PAG1: variants seen among roughly 807,000 people sequenced by gnomAD.
PAG1 encodes the protein phosphoprotein membrane anchor with glycosphingolipid microdomains 1.
A neutral mutation model predicts 31.7 loss-of-function variants in PAG1; 23 were observed. The ratio of observed to expected loss-of-function variants is 0.73; its 90% CI spans 0.52 to 1.03. The LOEUF (loss-of-function observed/expected upper bound fraction) is 1.03. PAG1 is among the 50% of genes least tolerant of loss of function. The pLI is 0.00. For synonymous variants in PAG1, 214 were observed against 210.3 expected, an observed-to-expected ratio of 1.02 and a Z score of -0.15; for missense variants, 473 against 540.7, an observed-to-expected ratio of 0.87 and a Z score of 1.24.
At chr8:81,056,320 T>C (rs1402808203) in intron 2 of PAG1, among the ~76,000 whole-genome samples, 1 of 152,132 alleles carries the variant, frequency 6.6e-6, no homozygotes, top group African/African-American at 2.4e-5. Flanking sequence ...CTTCAAACTA[T>C]ACTACGAGGC....
intron 2 of PAG1, among the ~76,000 whole-genome samples, chr8:81,063,347 G>A (rs184507071): frequency 5.1e-4 from 78 of 152,208 alleles, no homozygotes; most frequent in Non-Finnish European, 9.3e-4. Context: ...AATATGGAAG[G>A]CAGCCACAGC....
At position 80,991,671 on chromosome 8, in the gene PAG1, A is replaced by T. The variant is rs200132333; in HGVS notation, c.126-141T>A. 2.0e-4 allele frequency: 141 copies of T among 705,630 alleles called. No homozygotes were observed. In the East Asian group the frequency reaches 3.5e-3, roughly 18 times the overall value. The allele number at this position is 705,630 out of a possible 1,614,324, so 43.7% of individuals were successfully genotyped here. On this transcript the variant is annotated intron_variant, in intron 4 of 8. Transcript: ENST00000220597. Reference sequence around the variant, plus strand: ...TGTTTATTTTGTCAACAAAGACAAAATCAGACAGTGATTTGATGGCCCGTT... The same window carrying T: ...TGTTTATTTTGTCAACAAAGACAAATTCAGACAGTGATTTGATGGCCCGTT...
At chr8:81,017,679 A>G (rs570576586) in intron 3 of PAG1, among the ~76,000 whole-genome samples, 7 of 152,228 alleles carry the variant, frequency 4.6e-5, no homozygotes, top group Non-Finnish European at 8.8e-5. Flanking sequence ...AAAGAGCAGG[A>G]GCATTCCACT....
chr8:80,996,675 G>A (rs977530043), intron 3 of PAG1, among the ~76,000 whole-genome samples: 2 of 152,164 alleles, frequency 1.3e-5, no homozygotes, highest in African/African-American at 4.8e-5. Flanking sequence ...CCTTCTTGGA[G>A]CAGCTGAGGG....
Position 81,036,946 on chromosome 8 carries a change from T to C in PAG1, c.-174-6857A>G, listed in dbSNP as rs1392762625. The C allele has an allele frequency of 2.0e-5, 3 of 152,258 alleles. No homozygotes were observed. In the East Asian group the frequency reaches 5.8e-4, roughly 29 times the overall value. The allele number at this position is 152,258 out of a possible 1,614,324, so 9.4% of individuals were successfully genotyped here. On this transcript the variant is annotated intron_variant, in intron 2 of 8. Transcript: ENST00000220597. ...AGCAGTCCATTAAAAGAGGGTTTTCTGGGTTTTATTTTTTTTTCGTTGAGT... is the reference window on the plus strand; with the variant it reads ...AGCAGTCCATTAAAAGAGGGTTTTCCGGGTTTTATTTTTTTTTCGTTGAGT...
intron 3 of PAG1, among the ~76,000 whole-genome samples, chr8:81,017,930 A>G (rs566649019): frequency 6.6e-6 from 1 of 152,342 alleles, no homozygotes; most frequent in South Asian, 2.1e-4. Context: ...CTAGTCAAAT[A>G]ATTATGATCA....
At chr8:81,024,400 G>GC in intron 3 of PAG1, among the ~76,000 whole-genome samples, 1 of 152,274 alleles carries the variant, frequency 6.6e-6, no homozygotes, top group East Asian at 1.9e-4. Context: ...CTGGCACACG[G>GC]CCCCTCCAGG....
chr8:80,993,589 T>C (rs1807605091), intron 3 of PAG1, among the ~76,000 whole-genome samples: 1 of 145,272 alleles, frequency 6.9e-6, no homozygotes, highest in African/African-American at 2.7e-5. Flanking sequence ...GGGGGTGGAT[T>C]CTTCTTGTTC....
At chr8:80,979,424 G>A (rs749327701) in intron 8 of PAG1, among the ~76,000 whole-genome samples, 11 of 152,180 alleles carry the variant, frequency 7.2e-5, no homozygotes, top group Non-Finnish European at 1.6e-4. Context: ...TGCAACTGAT[G>A]GGTCTTGGCA....
chr8:81,044,681 C>A (rs1231959745), intron 2 of PAG1, among the ~76,000 whole-genome samples: 2 of 152,138 alleles, frequency 1.3e-5, no homozygotes. Flanking sequence ...TCACATAGCC[C>A]CTTTCACACA....
At chr8:81,017,893 A>G (rs2130714990) in intron 3 of PAG1, among the ~76,000 whole-genome samples, 2 of 152,302 alleles carry the variant, frequency 1.3e-5, no homozygotes, top group South Asian at 4.1e-4. Flanking sequence ...GACAGCCACT[A>G]CTCAACCTTT....
chr8:81,038,425 C>G (rs1808498203), intron 2 of PAG1, among the ~76,000 whole-genome samples: 1 of 152,196 alleles, frequency 6.6e-6, no homozygotes, highest in African/African-American at 2.4e-5. Flanking sequence ...GGCAATGGCT[C>G]TGCCTGTGGG....
chr8:80,998,675 G>T (rs957378793), intron 3 of PAG1, among the ~76,000 whole-genome samples: 4 of 152,034 alleles, frequency 2.6e-5, no homozygotes, highest in African/African-American at 9.7e-5. Flanking sequence ...ATCCTTAACA[G>T]GTAGGTTCTC....
intron 4 of PAG1, among the ~76,000 whole-genome samples, chr8:80,992,897 G>T (rs1293226559): frequency 6.6e-6 from 1 of 152,170 alleles, no homozygotes; most frequent in East Asian, 1.9e-4. Flanking sequence ...TTGCTCCCTA[G>T]CAAAACCAAA....
chr8:80,995,313 C>T (rs1352430391), intron 3 of PAG1, among the ~76,000 whole-genome samples: 2 of 152,158 alleles, frequency 1.3e-5, no homozygotes, highest in East Asian at 3.8e-4. Flanking sequence ...TTCTTTCTTC[C>T]TATGTTTGAT....
At chr8:81,007,621 A>G (rs1342482642) in intron 3 of PAG1, among the ~76,000 whole-genome samples, 1 of 141,614 alleles carries the variant, frequency 7.1e-6, no homozygotes, top group Non-Finnish European at 1.5e-5. Context: ...TGGGTGACAG[A>G]GCAAGACTCT....
At chr8:81,036,320 C>T (rs1808461773) in intron 2 of PAG1, among the ~76,000 whole-genome samples, 1 of 152,066 alleles carries the variant, frequency 6.6e-6, no homozygotes, top group African/African-American at 2.4e-5. Flanking sequence ...AGTTATTAAC[C>T]CAGCTAATTA....
intron 3 of PAG1, among the ~76,000 whole-genome samples, chr8:81,028,488 A>G (rs1339341128): frequency 1.3e-5 from 2 of 152,362 alleles, no homozygotes; most frequent in Middle Eastern, 3.4e-3. Context: ...TGTGTTCATC[A>G]AGTATTTCTA....
intron 2 of PAG1, among the ~76,000 whole-genome samples, chr8:81,045,195 T>C (rs1808621215): frequency 6.6e-6 from 1 of 152,174 alleles, no homozygotes; most frequent in Non-Finnish European, 1.5e-5. Context: ...ACATGTCTCA[T>C]GTAATGAGGT....
Sources: allele counts gnomAD v4.1 joint callset (sites outside exome capture counted in the v4.1 genomes callset), GRCh38; gene constraint gnomAD v4.1.1; transcripts MANE v1.5; gene names NCBI Gene and HGNC (gene_info 2026-07-23, HGNC 2026-07-21).